EPB42: variants seen among roughly 807,000 people sequenced by gnomAD.
EPB42 encodes the protein erythrocyte membrane protein band 4.2.
EPB42 carries 49 observed loss-of-function variants against 76.9 expected under a neutral mutation model. The observed-to-expected ratio is 0.64, with a 90% CI of 0.51 to 0.81. The LOEUF is 0.81. Ranked by LOEUF, EPB42 falls within the 30% of genes least tolerant of loss-of-function variation. The pLI, the probability that EPB42 is intolerant of heterozygous loss-of-function variation, is 0.00. For synonymous variants in EPB42, 310 were observed against 338.4 expected (o/e 0.92, Z 0.92); for missense variants, 731 against 867.6 (o/e 0.84, Z 1.98).
chr15:43,214,404 C>CT (rs1403440745), intron 3 of EPB42, among the ~76,000 whole-genome samples: 6 of 152,080 alleles, frequency 3.9e-5, no homozygotes, highest in Non-Finnish European at 8.8e-5. Context: ...TCTGGTGAAC[C>CT]GTAGGGTCCT....
intron 1 of EPB42, among the ~76,000 whole-genome samples, chr15:43,220,299 T>C (rs1039964541): frequency 2.6e-5 from 4 of 152,120 alleles, no homozygotes; most frequent in Non-Finnish European, 4.4e-5. Context: ...TTGCTTTGTG[T>C]CTGCCTCTGC....
Position 43,208,232 on chromosome 15 carries a change from C to A in EPB42, c.1073G>T (p.Gly358Val). ...CTGGACCCACCCCTAGGCTTTACCTCCACCTCCATTAGGAGCACTTGGGTG... is the reference window on the plus strand; with the variant it reads ...CTGGACCCACCCCTAGGCTTTACCTACACCTCCATTAGGAGCACTTGGGTG... ...ILHPSAPNGG[G>V]VLGSCDLVPV... is the part of the protein sequence containing the mutation. The change falls in exon 8 of 13, where the codon GGA becomes GTA. Residue 358 changes from glycine (G) to valine (V), a missense_variant and splice_region_variant. By Grantham distance (109) the Gly-to-Val change is moderately radical. Transcript: ENST00000441366. 1.9e-6 allele frequency: 3 copies of A among 1,613,882 alleles called. No individual in the cohort carries two copies. Among genetic ancestry groups the A allele is most frequent in the Middle Eastern group, 3.3e-4 (2 of 6,016 alleles).
At chr15:43,220,539 A>G (rs1596423701) in intron 1 of EPB42, among the ~76,000 whole-genome samples, 1 of 150,340 alleles carries the variant, frequency 6.7e-6, no homozygotes, top group African/African-American at 2.5e-5. Context: ...CCCCATAACC[A>G]CCCCACAGCA....
rs765389070 is a variant in EPB42 at position 43,208,316 on chromosome 15, G to C, written c.989C>G (p.Thr330Arg). 1.2e-5 allele frequency: 19 copies of C among 1,613,980 alleles called. No homozygotes were observed. The highest frequency in any genetic ancestry group is 1.5e-5 in the Non-Finnish European group (18 of 1,179,964). ...GGCAGGCCGCGTCATCCAGCACTCT[G>C]TGGAAGTCTGGAAGATCCTGAATGC... Reference protein sequence around the residue: ...RGRIWIFQTSTECWMTRPALP... With the variant: ...RGRIWIFQTSRECWMTRPALP... The change falls in exon 8 of 13, where the codon ACA (threonine) becomes AGA (arginine). Residue 330 changes from threonine (T) to arginine (R), a missense_variant. Physicochemically the swap from Thr to Arg is moderately conservative, Grantham distance 71. Transcript: ENST00000441366.
chr15:43,215,563 T>C (rs1167624611), intron 2 of EPB42, among the ~76,000 whole-genome samples: 2 of 152,200 alleles, frequency 1.3e-5, no homozygotes, highest in Non-Finnish European at 2.9e-5. Context: ...AACTTCTTCA[T>C]GGTCCATGGG....
chr15:43,211,465 T>A lies in EPB42; in HGVS notation c.500A>T (p.Tyr167Phe), dbSNP rs1033780070. The A allele has an allele frequency of 2.3e-5, 37 of 1,614,056 alleles. No homozygotes were observed. The highest frequency in any genetic ancestry group is 3.0e-5 in the Non-Finnish European group (35 of 1,179,936). Reference sequence around the variant, plus strand: ...CTGGATGCAGTCAGCTGTACCCAGGTAGATGAGACCATTCTGGTTCAACAA... The same window carrying A: ...CTGGATGCAGTCAGCTGTACCCAGGAAGATGAGACCATTCTGGTTCAACAA... ...EYLLNQNGLI[Y>F]LGTADCIQAE... is the part of the protein sequence containing the mutation. Residue 167 changes from tyrosine (Y) to phenylalanine (F), a missense_variant, in exon 4 of 13, where the codon TAC (tyrosine) becomes TTC (phenylalanine). Transcript: ENST00000441366.
Position 43,215,245 on chromosome 15 carries a change from C to T in EPB42, c.280G>A (p.Val94Met). 6.2e-7 allele frequency: 1 copy of T among 1,614,200 alleles called. No homozygotes were observed. Reference sequence around the variant, plus strand: ...CAGGACTGGGCATCTCTCTCCTCCACCACTGCACTCCACCACTTTCGGTCC... The same window carrying T: ...CAGGACTGGGCATCTCTCTCCTCCATCACTGCACTCCACCACTTTCGGTCC... ...LGDRKWWSAV[V>M]EERDAQSWTI... Residue 94 changes from valine (V) to methionine (M), a missense_variant, in exon 3 of 13, where the codon GTG becomes ATG. Transcript: ENST00000441366.
chr15:43,201,284 G>A (rs371576225), intron 12 of EPB42, among the ~76,000 whole-genome samples: 1 of 152,086 alleles, frequency 6.6e-6, no homozygotes, highest in East Asian at 1.9e-4. Flanking sequence ...AGACATATGG[G>A]CATAAATCTT....
At chr15:43,203,304 G>A (rs2042155111) in intron 10 of EPB42, 29 bp from the exon 11 acceptor site, 1 of 1,613,978 alleles carries the variant, frequency 6.2e-7, no homozygotes. Flanking sequence ...GGAGTCAGTG[G>A]CAACAGGTGT....
chr15:43,210,239 A>T, intron 5 of EPB42, 96 bp downstream of exon 5: 1 of 1,079,228 alleles, frequency 9.3e-7, no homozygotes, highest in Non-Finnish European at 1.4e-6. Flanking sequence ...GCCATTTGTG[A>T]TTTGGGGGTT....
chr15:43,215,427 T>G, intron 2 of EPB42, 99 bp from the exon 3 acceptor site: 1 of 1,327,846 alleles, frequency 7.5e-7, no homozygotes, highest in Non-Finnish European at 1.1e-6. Flanking sequence ...GTGAAATTTG[T>G]TTTTGGAGGA....
chr15:43,220,918 G>C lies in EPB42; in HGVS notation c.-93C>G. On this transcript the variant is annotated 5_prime_UTR_variant, in exon 1 of 13. Transcript: ENST00000441366. ...CTCCTTCTGGGCTTTCTGTCTTCCA[G>C]ACAGAAAATATGAAGGCACTTTTGT... 1 of 1,236,004 alleles carries C rather than the reference G, an allele frequency of 8.1e-7. No individual in the cohort carries two copies. Among genetic ancestry groups the C allele is most frequent in the Non-Finnish European group, 1.2e-6 (1 of 849,916 alleles). 76.6% of individuals were successfully genotyped at this position (1,236,004 alleles called of 1,614,324 possible). A position where few individuals can be genotyped will look rare whatever the true frequency, so the allele number is the denominator to read the frequency against.
In EPB42 at chr15:43,216,309, A is replaced by G; in HGVS notation, c.155T>C (p.Phe52Ser). The G allele has an allele frequency of 6.2e-7, 1 of 1,614,164 alleles. No homozygotes were observed. The highest frequency in any genetic ancestry group is 8.5e-7 in the Non-Finnish European group (1 of 1,180,036). ...GGCCACCTTCTTCAGGGCAGGCAGA[A>G]ATGCACGGACTGGAGCGCGGAAGTA... ...ILYFRAPVRA[F>S]LPALKKVALT... Residue 52 changes from phenylalanine to serine, a missense_variant, in exon 2 of 13, where the codon TTT (phenylalanine) becomes TCT (serine). Phe to Ser is a radical substitution (Grantham distance 155). Coordinates refer to ENST00000441366, the MANE Select transcript of EPB42 (RefSeq NM_001114134.2).
chr15:43,225,516 G>T (rs576141254), upstream of EPB42, among the ~76,000 whole-genome samples: 4 of 152,244 alleles, frequency 2.6e-5, no homozygotes, highest in African/African-American at 9.6e-5. Flanking sequence ...TCCAGTCTCT[G>T]GCAGTATTTC....
intron 11 of EPB42, among the ~76,000 whole-genome samples, 194 bp downstream of exon 11, chr15:43,202,916 TAACTA>T (rs2042147631): frequency 1.3e-5 from 2 of 152,200 alleles, no homozygotes; most frequent in Admixed American, 6.5e-5. Flanking sequence ...AACCTTTACT[TAACTA>T]AAGAAGTTGG....
intron 12 of EPB42, 123 bp downstream of exon 12, chr15:43,201,716 CTTTAG>C: frequency 7.2e-7 from 1 of 1,387,700 alleles, no homozygotes; most frequent in South Asian, 1.2e-5. Context: ...AGCCCTAATC[CTTTAG>C]TTTAGTTTCT....
At chr15:43,205,325 A>G (rs1350386786) in intron 10 of EPB42, among the ~76,000 whole-genome samples, 1 of 152,200 alleles carries the variant, frequency 6.6e-6, no homozygotes, top group Non-Finnish European at 1.5e-5. Flanking sequence ...GCTCTCGTCA[A>G]CTGATTCTCA....
In EPB42 at chr15:43,215,314, T is replaced by C. The variant is rs1208237888; in HGVS notation, c.211A>G (p.Lys71Glu). 1.2e-6 allele frequency: 2 copies of C among 1,614,202 alleles called. No individual in the cohort carries two copies. Among genetic ancestry groups the C allele is most frequent in the African/African-American group, 1.3e-5 (1 of 75,040 alleles). ...AATGTGGCTTGGGTCCTGTTGATCT[T>C]GGAAGGCTGCTCTCCTGTAGTCACA... ...LTAQTGEQPS[K>E]INRTQATFPI... The change falls in exon 3 of 13, where the codon AAG (lysine) becomes GAG (glutamate). Residue 71 changes from lysine (K) to glutamate (E), a missense_variant. Lys to Glu is a moderately conservative substitution (Grantham distance 56, BLOSUM62 1). Coordinates refer to ENST00000441366, the MANE Select transcript of EPB42 (RefSeq NM_001114134.2).
intron 10 of EPB42, among the ~76,000 whole-genome samples, chr15:43,203,972 C>T (rs531780732): frequency 3.1e-4 from 47 of 152,290 alleles, no homozygotes; most frequent in South Asian, 2.5e-3. Context: ...CTCATATCCC[C>T]AAGCATAGCA....
Sources: gnomAD v4.1 joint callset for allele counts (sites outside exome capture counted in the v4.1 genomes callset) on GRCh38, gnomAD v4.1.1 for gene constraint, MANE v1.5 for transcripts, NCBI Gene and HGNC (gene_info 2026-07-23, HGNC 2026-07-21) for gene names.